Variants in TBC1D19 observed in about 807,000 individuals in gnomAD.
The protein encoded by TBC1D19 is TBC1 domain family, member 19.
In TBC1D19, 60 loss-of-function variants were observed where a neutral mutation model predicts 89.0. The ratio of observed to expected loss-of-function variants is 0.67; its 90% CI spans 0.55 to 0.84. TBC1D19 has a LOEUF of 0.84. TBC1D19 is among the 40% of genes least tolerant of loss of function. The pLI is 0.00. For missense variants in TBC1D19, 500 were observed against 610.8 expected (o/e 0.82, Z 1.91); for synonymous variants, 189 against 199.7 (o/e 0.95, Z 0.45).
At chr4:26,721,865 C>T (rs1267054122) in intron 15 of TBC1D19, among the ~76,000 whole-genome samples, 3 of 152,112 alleles carry the variant, frequency 2.0e-5, no homozygotes, top group African/African-American at 7.2e-5. Context: ...TCTCATGTTT[C>T]CATGCTTAGA....
intron 7 of TBC1D19, among the ~76,000 whole-genome samples, chr4:26,655,674 G>A (rs1424871922): frequency 2.6e-5 from 4 of 152,220 alleles, no homozygotes; most frequent in African/African-American, 9.6e-5. Context: ...TCCGAGCCAG[G>A]CACGGGATAC....
chr4:26,749,917 A>C (rs1718857836), intron 19 of TBC1D19, among the ~76,000 whole-genome samples: 1 of 152,198 alleles, frequency 6.6e-6, no homozygotes, highest in South Asian at 2.1e-4. Context: ...TGATTTAGGA[A>C]ATAATGGTCT....
At chr4:26,578,176 G>A (rs988263227) in intron 1 of TBC1D19, among the ~76,000 whole-genome samples, 2 of 152,108 alleles carry the variant, frequency 1.3e-5, no homozygotes, top group African/African-American at 2.4e-5. Flanking sequence ...TCTTGTGCAC[G>A]GCATCTTACA....
chr4:26,607,533 T>C (rs1741088849), intron 1 of TBC1D19, among the ~76,000 whole-genome samples: 1 of 152,218 alleles, frequency 6.6e-6, no homozygotes, highest in Non-Finnish European at 1.5e-5. Context: ...TAAATTAGGC[T>C]GAGAGGTGAT....
the TBC1D19 span, among the ~76,000 whole-genome samples, chr4:26,825,285 G>C: frequency 6.6e-6 from 1 of 152,062 alleles, no homozygotes; most frequent in African/African-American, 2.4e-5. Flanking sequence ...CTTTAGTAGA[G>C]ATGGGGTTTC....
the TBC1D19 span, among the ~76,000 whole-genome samples, chr4:26,808,817 A>C: frequency 6.6e-6 from 1 of 152,182 alleles, no homozygotes; most frequent in Non-Finnish European, 1.5e-5. Flanking sequence ...GACTCCAAGT[A>C]CCAACTAAGC....
At chr4:26,781,632 C>A in the TBC1D19 span, among the ~76,000 whole-genome samples, 5 of 152,248 alleles carry the variant, frequency 3.3e-5, no homozygotes, top group South Asian at 1.0e-3. Context: ...CCTTTAAGTC[C>A]TGAGGATAAT....
the TBC1D19 span, among the ~76,000 whole-genome samples, chr4:26,779,037 T>G: frequency 6.6e-6 from 1 of 152,134 alleles, no homozygotes; most frequent in Non-Finnish European, 1.5e-5. Flanking sequence ...GGGAGCTAGG[T>G]CTTAAAACAG....
At chr4:26,728,871 C>T (rs1277306231) in intron 15 of TBC1D19, among the ~76,000 whole-genome samples, 2 of 152,072 alleles carry the variant, frequency 1.3e-5, no homozygotes, top group African/African-American at 2.4e-5. Flanking sequence ...AAAAATTAGC[C>T]GGGCGTGATG....
At chr4:26,619,182 T>G (rs767466586) in intron 3 of TBC1D19, among the ~76,000 whole-genome samples, 2 of 151,998 alleles carry the variant, frequency 1.3e-5, no homozygotes, top group African/African-American at 4.8e-5. Context: ...ATCAGTAAAG[T>G]CTCTCAAATT....
At chr4:26,587,162 T>C (rs901189056) in intron 1 of TBC1D19, among the ~76,000 whole-genome samples, 30 of 152,258 alleles carry the variant, frequency 2.0e-4, no homozygotes, top group African/African-American at 6.5e-4. Context: ...CTTTGAATGT[T>C]GCACCAATTT....
upstream of TBC1D19, among the ~76,000 whole-genome samples, chr4:26,583,640 G>A (rs1421318934): frequency 6.6e-6 from 1 of 152,124 alleles, no homozygotes. Context: ...ACAGTGCTAG[G>A]CACCTTCACG....
intron 1 of TBC1D19, among the ~76,000 whole-genome samples, chr4:26,610,902 T>C (rs1028540560): frequency 1.3e-5 from 2 of 152,210 alleles, no homozygotes; most frequent in African/African-American, 2.4e-5. Context: ...AGTGCTGCAA[T>C]GAACATAGGC....
intron 19 of TBC1D19, among the ~76,000 whole-genome samples, chr4:26,749,448 GTTT>G (rs59744575): frequency 6.5e-5 from 7 of 107,142 alleles, no homozygotes; most frequent in Non-Finnish European, 1.3e-4. Flanking sequence ...TATTCGGGTT[GTTT>G]TTTTTTTTTT....
the TBC1D19 span, among the ~76,000 whole-genome samples, chr4:26,848,594 A>G: frequency 1.3e-4 from 20 of 152,210 alleles, no homozygotes; most frequent in Non-Finnish European, 2.1e-4. Context: ...AAGTTTCTAC[A>G]TGGTTATTAA....
chr4:26,740,019 CTATT>C, intron 17 of TBC1D19, 46 bp downstream of exon 17: 1 of 1,255,194 alleles, frequency 8.0e-7, no homozygotes, highest in Non-Finnish European at 1.1e-6. Flanking sequence ...GGATTGTAAT[CTATT>C]CTTTCTTTCT....
At chr4:26,719,848 T>G (rs1202848480) in intron 14 of TBC1D19, among the ~76,000 whole-genome samples, 1 of 152,136 alleles carries the variant, frequency 6.6e-6, no homozygotes, top group East Asian at 1.9e-4. Context: ...TTCTTTTGGT[T>G]GTTTTGTGTC....
the TBC1D19 span, among the ~76,000 whole-genome samples, chr4:26,843,625 C>T: frequency 6.6e-6 from 1 of 151,726 alleles, no homozygotes; most frequent in Non-Finnish European, 1.5e-5. Context: ...CAGTTAAAAA[C>T]AGAATCATAT....
chr4:26,619,288 T>C (rs940027759), intron 3 of TBC1D19, among the ~76,000 whole-genome samples: 11 of 151,846 alleles, frequency 7.2e-5, no homozygotes, highest in African/African-American at 2.7e-4. Context: ...CACTGCAAGC[T>C]CTGCCTCCCA....
Sources: allele counts gnomAD v4.1 joint callset (sites outside exome capture counted in the v4.1 genomes callset), GRCh38; gene constraint gnomAD v4.1.1; transcripts MANE v1.5; gene names NCBI Gene and HGNC (gene_info 2026-07-23, HGNC 2026-07-21).